TBC1D5: variants seen among roughly 807,000 people sequenced by gnomAD.
TBC1D5 encodes TBC1 domain family member 5.
In TBC1D5, 75 loss-of-function variants were observed where a neutral mutation model predicts 100.3. The observed-to-expected ratio is 0.75, with a 90% CI of 0.62 to 0.91. The LOEUF (loss-of-function observed/expected upper bound fraction) is 0.91, where lower values mean the gene tolerates loss of function less well. Among genes scored for constraint, TBC1D5 ranks in the 40% least tolerant of loss-of-function variants. The pLI, the probability that TBC1D5 is intolerant of heterozygous loss-of-function variation, is 0.00. For synonymous variants in TBC1D5, 323 were observed against 325.6 expected, an observed-to-expected ratio of 0.99 and a Z score of 0.09; for missense variants, 910 against 942.4, an observed-to-expected ratio of 0.97 and a Z score of 0.45.
At chr3:17,596,456 T>A (rs2060573755) in intron 2 of TBC1D5, among the ~76,000 whole-genome samples, 1 of 151,360 alleles carries the variant, frequency 6.6e-6, no homozygotes, top group Non-Finnish European at 1.5e-5. Flanking sequence ...GTAGCTGGGA[T>A]TACAGATGCC....
intron 2 of TBC1D5, among the ~76,000 whole-genome samples, chr3:17,556,839 C>A (rs956272308): frequency 6.6e-6 from 1 of 152,150 alleles, no homozygotes; most frequent in East Asian, 1.9e-4. Flanking sequence ...CAGAAGTGAA[C>A]TATACTCACT....
chr3:17,615,067 T>C (rs1333133270), intron 2 of TBC1D5, among the ~76,000 whole-genome samples: 1 of 152,212 alleles, frequency 6.6e-6, no homozygotes, highest in Admixed American at 6.5e-5. Context: ...CATCAATACC[T>C]AGTTTATTGA....
At chr3:17,352,713 T>C (rs1030932428) in intron 13 of TBC1D5, among the ~76,000 whole-genome samples, 3 of 107,948 alleles carry the variant, frequency 2.8e-5, no homozygotes, top group African/African-American at 3.5e-5. Flanking sequence ...AAAAACCTAC[T>C]GTGCACTCCA....
chr3:17,657,761 T>C (rs2066234115), intron 1 of TBC1D5, among the ~76,000 whole-genome samples: 1 of 152,232 alleles, frequency 6.6e-6, no homozygotes, highest in Admixed American at 6.5e-5. Context: ...TTCCTGTAGA[T>C]TTTAAACTCT....
At chr3:17,658,913 C>T (rs1296352151) in intron 1 of TBC1D5, among the ~76,000 whole-genome samples, 1 of 152,214 alleles carries the variant, frequency 6.6e-6, no homozygotes, top group Non-Finnish European at 1.5e-5. Flanking sequence ...CCGCCTCGGC[C>T]TCCCAAACTG....
At chr3:17,543,501 G>C (rs2096380141) in intron 2 of TBC1D5, among the ~76,000 whole-genome samples, 1 of 151,958 alleles carries the variant, frequency 6.6e-6, no homozygotes, top group South Asian at 2.1e-4. Context: ...AGCCAGGTGT[G>C]GTGGTGTGCA....
At chr3:17,246,081 T>C (rs1298489989) in intron 16 of TBC1D5, among the ~76,000 whole-genome samples, 2 of 152,060 alleles carry the variant, frequency 1.3e-5, no homozygotes, top group African/African-American at 4.8e-5. Flanking sequence ...GCAGTAAACA[T>C]ATACTAAGAA....
At chr3:17,160,957 C>A in exon 22 of TBC1D5, 1 of 1,611,398 alleles carries the variant, frequency 6.2e-7, no homozygotes, top group Non-Finnish European at 8.5e-7. Flanking sequence ...GGACTGGGCA[C>A]TGTGGTCAGA....
intron 2 of TBC1D5, among the ~76,000 whole-genome samples, chr3:17,612,355 G>A (rs557238878): frequency 3.6e-4 from 55 of 150,990 alleles, no homozygotes; most frequent in African/African-American, 1.1e-3. Flanking sequence ...GAGGCTAGGC[G>A]CGGTGGCTCA....
At chr3:17,604,290 T>C (rs2061192901) in intron 2 of TBC1D5, among the ~76,000 whole-genome samples, 1 of 152,194 alleles carries the variant, frequency 6.6e-6, no homozygotes, top group Non-Finnish European at 1.5e-5. Flanking sequence ...CAGAATTTCC[T>C]TATGAAGAAC....
intron 2 of TBC1D5, among the ~76,000 whole-genome samples, chr3:17,591,737 T>C (rs1436112905): frequency 2.6e-5 from 4 of 152,200 alleles, no homozygotes; most frequent in African/African-American, 7.2e-5. Context: ...ATTGGCTGAC[T>C]GGTATAGTGA....
intron 4 of TBC1D5, among the ~76,000 whole-genome samples, chr3:17,411,132 C>G (rs2093912179): frequency 6.6e-6 from 1 of 152,030 alleles, no homozygotes; most frequent in South Asian, 2.1e-4. Flanking sequence ...TAGTGGGAAG[C>G]CACAACAACA....
intron 1 of TBC1D5, among the ~76,000 whole-genome samples, chr3:17,627,707 TA>T (rs2063173043): frequency 6.6e-6 from 1 of 151,372 alleles, no homozygotes; most frequent in Non-Finnish European, 1.5e-5. Context: ...TGTTAGGATA[TA>T]AATGAGAGAC....
intron 2 of TBC1D5, among the ~76,000 whole-genome samples, chr3:17,535,626 A>G (rs2096274101): frequency 6.6e-6 from 1 of 152,158 alleles, no homozygotes; most frequent in Non-Finnish European, 1.5e-5. Flanking sequence ...TCAGCCCAAG[A>G]GAACATTTTT....
intron 13 of TBC1D5, among the ~76,000 whole-genome samples, chr3:17,367,481 G>A (rs913663510): frequency 1.3e-5 from 2 of 152,098 alleles, no homozygotes; most frequent in Non-Finnish European, 2.9e-5. Context: ...TTTGCAAATT[G>A]GTCAGTATGT....
intron 3 of TBC1D5, among the ~76,000 whole-genome samples, chr3:17,434,560 ACCTGAGGTCTTTATAATT>A (rs1176929535): frequency 9.9e-5 from 15 of 152,204 alleles, no homozygotes; most frequent in Non-Finnish European, 1.6e-4. Context: ...TCTTTATAAT[ACCTGAGGTCTTTATAATT>A]CCTGAGGTCT....
intron 2 of TBC1D5, among the ~76,000 whole-genome samples, chr3:17,595,559 T>C (rs575672602): frequency 9.8e-5 from 15 of 152,348 alleles, no homozygotes; most frequent in African/African-American, 3.4e-4. Context: ...TACTCTGGGA[T>C]AGAGCTATAC....
chr3:17,382,429 G>A (rs1158339140), intron 9 of TBC1D5, among the ~76,000 whole-genome samples: 1 of 151,710 alleles, frequency 6.6e-6, no homozygotes, highest in East Asian at 1.9e-4. Context: ...AAAAAAACAC[G>A]TATCTTACTC....
rs11328091 is a variant in TBC1D5, at chr3:17,337,123, G to GTTTT, written c.996-28993_996-28990dup. 6.4e-3 allele frequency among the ~76,000 whole-genome samples: 742 copies of GTTTT among 116,096 alleles called. 19 individuals carry two copies. Among genetic ancestry groups the GTTTT allele is most frequent in the African/African-American group, 0.025 (710 of 28,428 alleles). 76.2% of individuals were successfully genotyped at this position (116,096 alleles called of 152,430 possible). A position where few individuals can be genotyped will look rare whatever the true frequency, so the allele number is the denominator to read the frequency against. On this transcript the variant is annotated intron_variant, in intron 13 of 21. Transcript: ENST00000253692. ...AGCTTGCACCAAAATTATCTGAGAG[G>GTTTT]TTTTTTTTTTTTTTTTTTTTTTAAG... is the stretch of plus-strand genomic sequence containing the variant.
Sources: gnomAD v4.1 joint callset for allele counts (sites outside exome capture counted in the v4.1 genomes callset) on GRCh38, gnomAD v4.1.1 for gene constraint, MANE v1.5 for transcripts, NCBI Gene and HGNC (gene_info 2026-07-23, HGNC 2026-07-21) for gene names.